Variants in TTL observed in about 807,000 individuals in gnomAD.
The protein encoded by TTL is tubulin--tyrosine ligase.
Under a neutral mutation model 41.1 loss-of-function variants are expected in TTL, and 10 were observed. The ratio of observed to expected loss-of-function variants is 0.24; its 90% confidence interval spans 0.15 to 0.41. TTL has a LOEUF of 0.41. TTL is among the 10% of genes least tolerant of loss of function. TTL has a pLI of 1.00. For synonymous variants in TTL, 175 were observed against 175.5 expected (o/e 1.00, Z 0.02); for missense variants, 367 against 460.4 (o/e 0.80, Z 1.86).
chr2:112,503,657 T>TA, intron 5 of TTL, among the ~76,000 whole-genome samples: 1 of 123,144 alleles, frequency 8.1e-6, no homozygotes, highest in Non-Finnish European at 1.7e-5. Context: ...GGTCTTGAAC[T>TA]CTTTTTTTTT....
At chr2:112,526,001 G>T (rs886912227) in intron 6 of TTL, among the ~76,000 whole-genome samples, 2 of 149,660 alleles carry the variant, frequency 1.3e-5, no homozygotes, top group African/African-American at 2.5e-5. Context: ...CATGAAGGTT[G>T]TTGAATTTTG....
chr2:112,482,516 G>T lies in TTL; in HGVS notation c.157+15G>T, dbSNP rs1681118099. ...CGGGAGACTGGGTGAGCCCCTCCCC[G>T]ATTCCCGTCTGCCCTCCTCGGAGCG... On this transcript the variant is annotated intron_variant, in intron 1 of 6. Transcript: ENST00000233336. The surrounding 1 kb of genome is among the most constrained non-coding windows in gnomAD (Gnocchi z 5.3). The T allele has an allele frequency of 2.5e-6, 4 of 1,587,296 alleles. No homozygotes were observed. Among genetic ancestry groups the T allele is most frequent in the Non-Finnish European group, 3.4e-6 (4 of 1,165,814 alleles).
At chr2:112,504,016 A>G (rs2104460772) in intron 5 of TTL, among the ~76,000 whole-genome samples, 1 of 77,030 alleles carries the variant, frequency 1.3e-5, no homozygotes, top group East Asian at 3.9e-4. Flanking sequence ...TCCTGTGTCC[A>G]TGTGATCTCA....
In TTL at chr2:112,493,844, G is replaced by A. The variant is rs188011613; in HGVS notation, c.237-299G>A. On this transcript the variant is annotated intron_variant, in intron 2 of 6. Coordinates refer to ENST00000233336, the MANE Select transcript of TTL (RefSeq NM_153712.5). ...ACAACATATTTGTTGAAAAGATATC[G>A]GCTCAGGATTGTGTCCGGTTAAGTT... Among the ~76,000 whole-genome samples, 8 of 152,150 alleles carry A rather than the reference G, an allele frequency of 5.3e-5. No homozygotes were observed. In the East Asian group the frequency reaches 1.2e-3, roughly 22 times the overall value.
At chr2:112,526,414 T>G (rs1240170145) in intron 6 of TTL, among the ~76,000 whole-genome samples, 1 of 152,220 alleles carries the variant, frequency 6.6e-6, no homozygotes, top group Non-Finnish European at 1.5e-5. Context: ...ATCCATCTGG[T>G]CCTGGACTTT....
At position 112,498,262 on chromosome 2, in the gene TTL, G is replaced by T. The variant is rs1168068964; in HGVS notation, c.470-2944G>T. Among the ~76,000 whole-genome samples the T allele has an allele frequency of 2.6e-5, 4 of 152,092 alleles. No homozygotes were observed. The East Asian group carries it at 7.7e-4, about 29-fold the overall frequency. On this transcript the variant is annotated intron_variant, in intron 3 of 6. Transcript: ENST00000233336. ...CGCTTGAACCCAGGAGGCAGAGGTTGCAGTGAGCTGAGATCGCACCATTGC... is the reference window on the plus strand; with the variant it reads ...CGCTTGAACCCAGGAGGCAGAGGTTTCAGTGAGCTGAGATCGCACCATTGC...
At chr2:112,513,914 G>A (rs1466670165) in intron 5 of TTL, among the ~76,000 whole-genome samples, 1 of 151,928 alleles carries the variant, frequency 6.6e-6, no homozygotes, top group African/African-American at 2.4e-5. Flanking sequence ...GTGGATGGTG[G>A]GTACATGGGG....
At position 112,530,903 on chromosome 2, in the gene TTL, A is replaced by C. The variant is rs1682490656; in HGVS notation, c.*2108A>C. On this transcript the variant is annotated 3_prime_UTR_variant, in exon 7 of 7. Coordinates refer to ENST00000233336, the MANE Select transcript of TTL (RefSeq NM_153712.5). Reference sequence around the variant, plus strand: ...TAGGAACTTATTTCCTTTTTAAAAAATATTTTTTAAATTTTTAAAATTTGA... The same window carrying C: ...TAGGAACTTATTTCCTTTTTAAAAACTATTTTTTAAATTTTTAAAATTTGA... 5.6e-6 allele frequency: 1 copy of C among 178,888 alleles called. No homozygotes were observed. Among genetic ancestry groups the C allele is most frequent in the Non-Finnish European group, 1.2e-5 (1 of 83,770 alleles). The allele number at this position is 178,888 out of a possible 1,614,324, so 11.1% of individuals were successfully genotyped here.
chr2:112,540,273 A>C lies in TTL; in HGVS notation c.*11478A>C, dbSNP rs1682688240. On this transcript the variant is annotated 3_prime_UTR_variant, in exon 7 of 7. Transcript: ENST00000233336. ...GCCAACATGGTAAAACCCTGTCTCT[A>C]TTAAAAATACAAAATTAGCCAGGCA... is the stretch of plus-strand genomic sequence containing the variant. The C allele has an allele frequency of 1.3e-5, 2 of 152,276 alleles. No homozygotes were observed. The highest frequency in any genetic ancestry group is 3.9e-4 in the East Asian group (2 of 5,180). The allele number at this position is 152,276 out of a possible 1,614,324, so 9.4% of individuals were successfully genotyped here. A position where few individuals can be genotyped will look rare whatever the true frequency, so the allele number is the denominator to read the frequency against.
intron 6 of TTL, among the ~76,000 whole-genome samples, chr2:112,523,350 C>CTGTGTGTGTGTGTGTG (rs60321232): frequency 6.7e-6 from 1 of 149,760 alleles, no homozygotes; most frequent in African/African-American, 2.5e-5. Context: ...GTGTGTGTGT[C>CTGTGTGTGTGTGTGTG]TGTGTGTGTG....
In TTL at chr2:112,533,511, T is replaced by C. The variant is rs1283037146; in HGVS notation, c.*4716T>C. On this transcript the variant is annotated 3_prime_UTR_variant, in exon 7 of 7. Coordinates refer to ENST00000233336, the MANE Select transcript of TTL (RefSeq NM_153712.5). ...TATTTTGTATTGCCATAACAGAATG[T>C]TACAGAGAAGTGTATGTGGCTCACG... The C allele has an allele frequency of 1.3e-5, 2 of 152,240 alleles. No homozygotes were observed. Among genetic ancestry groups the C allele is most frequent in the Non-Finnish European group, 2.9e-5 (2 of 68,054 alleles). 9.4% of individuals were successfully genotyped at this position (152,240 alleles called of 1,614,324 possible). A position where few individuals can be genotyped will look rare whatever the true frequency, so the allele number is the denominator to read the frequency against.
chr2:112,485,371 A>C (rs1681213986), intron 1 of TTL, among the ~76,000 whole-genome samples: 1 of 152,246 alleles, frequency 6.6e-6, no homozygotes, highest in African/African-American at 2.4e-5. Flanking sequence ...GGAATGCGGC[A>C]CAGAAGAAAG....
intron 1 of TTL, chr2:112,483,400 A>G (rs1435503358): frequency 1.3e-5 from 2 of 152,228 alleles, no homozygotes; most frequent in Non-Finnish European, 2.9e-5. Context: ...CTCTCTGCAC[A>G]GTCATCTGGG....
At chr2:112,491,875 T>A (rs1009487888) in intron 2 of TTL, among the ~76,000 whole-genome samples, 7 of 152,230 alleles carry the variant, frequency 4.6e-5, no homozygotes, top group Admixed American at 6.5e-5. Flanking sequence ...TCTTTTTTTT[T>A]AAATCTCTTA....
intron 4 of TTL, among the ~76,000 whole-genome samples, chr2:112,502,475 A>C (rs1310889246): frequency 6.6e-6 from 1 of 152,040 alleles, no homozygotes; most frequent in Non-Finnish European, 1.5e-5. Context: ...TGTCTCTACA[A>C]AAAATACAAA....
chr2:112,539,600 T>A lies in TTL; in HGVS notation c.*10805T>A, dbSNP rs1423577682. 2.0e-5 allele frequency: 3 copies of A among 152,182 alleles called. No homozygotes were observed. The highest frequency in any genetic ancestry group is 7.2e-5 in the African/African-American group (3 of 41,438). 9.4% of individuals were successfully genotyped at this position (152,182 alleles called of 1,614,324 possible). A position where few individuals can be genotyped will look rare whatever the true frequency, so the allele number is the denominator to read the frequency against. On this transcript the variant is annotated 3_prime_UTR_variant, in exon 7 of 7. Transcript: ENST00000233336. ...GATGTGAAAGCTCCAGTTGGGAGCT[T>A]TCTTCCCAATATCAGGCACAAAACA...
chr2:112,494,512 A>G (rs888510005), intron 3 of TTL, 137 bp downstream of exon 3: 22 of 669,964 alleles, frequency 3.3e-5, no homozygotes, highest in Non-Finnish European at 4.1e-5. Context: ...ATACCCATCT[A>G]TGTACTGATG....
At chr2:112,487,686 C>T (rs989927765) in intron 2 of TTL, among the ~76,000 whole-genome samples, 2 of 152,202 alleles carry the variant, frequency 1.3e-5, no homozygotes, top group East Asian at 3.8e-4. Context: ...GTACCTGCCC[C>T]TTGCCCCTCG....
In TTL at chr2:112,501,192, T is replaced by C; in HGVS notation, c.470-14T>C. 9 of 1,599,186 alleles carry C rather than the reference T, an allele frequency of 5.6e-6. No homozygotes were observed. Among genetic ancestry groups the C allele is most frequent in the Admixed American group, 1.8e-5 (1 of 55,742 alleles). On this transcript the variant is annotated splice_polypyrimidine_tract_variant and intron_variant, in intron 3 of 6. Transcript: ENST00000233336. ...TGAATTGGATTGGTTTGTCTTTTGC[T>C]TTTTCCCTGTTAGGTGAAGGCATTC...
Sources: allele counts gnomAD v4.1 joint callset (sites outside exome capture counted in the v4.1 genomes callset), GRCh38; gene constraint gnomAD v4.1.1; non-coding constraint Gnocchi (gnomAD v3.1); transcripts MANE v1.5; gene names NCBI Gene and HGNC (gene_info 2026-07-23, HGNC 2026-07-21).